The following CNTN5 variants were observed in gnomAD, a reference collection of about 807,000 sequenced individuals.
The protein encoded by CNTN5 is contactin-5.
A neutral mutation model predicts 129.1 loss-of-function variants in CNTN5; 77 were observed. The observed-to-expected ratio is 0.60, with a 90% confidence interval of 0.50 to 0.72. CNTN5 has a LOEUF of 0.72. Ranked by LOEUF, CNTN5 falls within the 30% of genes least tolerant of loss-of-function variation. CNTN5 has a pLI of 0.00. For missense variants in CNTN5, 1,478 were observed against 1,328.8 expected, an observed-to-expected ratio of 1.11 and a Z score of -1.75; for synonymous variants, 509 against 465.6, an observed-to-expected ratio of 1.09 and a Z score of -1.20.
intron 13 of CNTN5, among the ~76,000 whole-genome samples, chr11:100,121,053 T>C (rs548897037): frequency 4.3e-4 from 66 of 151,986 alleles, no homozygotes; most frequent in Non-Finnish European, 8.2e-4. Flanking sequence ...GGCATACAAA[T>C]GTATTGGATC....
At chr11:99,397,985 A>G (rs1504722) in intron 2 of CNTN5, among the ~76,000 whole-genome samples, 53,310 of 151,588 alleles carry the variant, frequency 0.35, 9,873 homozygotes, top group South Asian at 0.46. Context: ...ATCTATATCT[A>G]TATTAAGCTA....
At chr11:99,594,383 CT>C (rs1198050901) in intron 3 of CNTN5, among the ~76,000 whole-genome samples, 1 of 152,092 alleles carries the variant, frequency 6.6e-6, no homozygotes, top group Non-Finnish European at 1.5e-5. Flanking sequence ...GGGGATGTTG[CT>C]GATATCTGGA....
At chr11:100,036,527 G>C (rs1471180076) in intron 9 of CNTN5, among the ~76,000 whole-genome samples, 2 of 146,236 alleles carry the variant, frequency 1.4e-5, no homozygotes, top group Admixed American at 1.4e-4. Context: ...AGCTTGATGG[G>C]GATGGCATTG....
At chr11:99,473,349 A>G (rs1425345404) in intron 2 of CNTN5, among the ~76,000 whole-genome samples, 1 of 152,176 alleles carries the variant, frequency 6.6e-6, no homozygotes, top group Non-Finnish European at 1.5e-5. Flanking sequence ...CAAGTAAAAC[A>G]TATAATAATA....
intron 2 of CNTN5, among the ~76,000 whole-genome samples, chr11:99,383,908 G>A (rs1189817544): frequency 2.0e-5 from 3 of 152,114 alleles, no homozygotes; most frequent in Non-Finnish European, 2.9e-5. Context: ...TGCACTCAGA[G>A]TTTAAAGTCT....
chr11:99,890,656 G>T (rs1389460755), intron 6 of CNTN5, among the ~76,000 whole-genome samples: 1 of 152,030 alleles, frequency 6.6e-6, no homozygotes, highest in East Asian at 1.9e-4. Context: ...AATAATTTTT[G>T]AAGATACTCC....
intron 2 of CNTN5, among the ~76,000 whole-genome samples, chr11:99,384,065 G>C (rs1565538461): frequency 6.6e-6 from 1 of 152,270 alleles, no homozygotes; most frequent in Non-Finnish European, 1.5e-5. Flanking sequence ...TGATTCCCTA[G>C]TCATTCTTCC....
chr11:99,930,957 A>G (rs1233743293), intron 7 of CNTN5, among the ~76,000 whole-genome samples: 1 of 152,162 alleles, frequency 6.6e-6, no homozygotes, highest in African/African-American at 2.4e-5. Flanking sequence ...TATTTTTATT[A>G]TATCATGTCT....
intron 3 of CNTN5, among the ~76,000 whole-genome samples, chr11:99,653,446 C>G (rs1952233562): frequency 1.3e-5 from 2 of 151,964 alleles, no homozygotes; most frequent in African/African-American, 4.8e-5. Context: ...GCTCCCCCGT[C>G]TCAGATTTCA....
chr11:99,706,972 A>C (rs1454897386), intron 3 of CNTN5, among the ~76,000 whole-genome samples: 1 of 151,248 alleles, frequency 6.6e-6, no homozygotes, highest in Non-Finnish European at 1.5e-5. Context: ...ATGGCTAATC[A>C]CATTCCCACC....
chr11:99,830,349 G>A (rs1947100043), intron 4 of CNTN5, among the ~76,000 whole-genome samples: 2 of 152,082 alleles, frequency 1.3e-5, no homozygotes. Flanking sequence ...CTGACAATTG[G>A]ATGATTCCTG....
intron 8 of CNTN5, among the ~76,000 whole-genome samples, chr11:99,985,605 T>C (rs536165488): frequency 1.2e-4 from 19 of 152,286 alleles, no homozygotes; most frequent in African/African-American, 3.8e-4. Context: ...CTTTGGGCCA[T>C]GGGTTTCAGG....
chr11:100,025,503 C>T (rs1305427062), intron 9 of CNTN5, among the ~76,000 whole-genome samples: 2 of 152,272 alleles, frequency 1.3e-5, no homozygotes, highest in African/African-American at 2.4e-5. Context: ...GGTTCACTGT[C>T]CTCTAGACCC....
intron 16 of CNTN5, among the ~76,000 whole-genome samples, chr11:100,237,458 T>C (rs1169767525): frequency 1.3e-5 from 2 of 152,194 alleles, no homozygotes; most frequent in African/African-American, 4.8e-5. Context: ...ACAAAATCCA[T>C]GCAGATTGAA....
intron 3 of CNTN5, among the ~76,000 whole-genome samples, chr11:99,786,625 G>C (rs1203656518): frequency 6.6e-6 from 1 of 152,016 alleles, no homozygotes; most frequent in South Asian, 2.1e-4. Flanking sequence ...CTGCATTAAT[G>C]GAAACAGCAT....
chr11:99,629,869 T>C (rs1951274869), intron 3 of CNTN5, among the ~76,000 whole-genome samples: 1 of 151,696 alleles, frequency 6.6e-6, no homozygotes, highest in South Asian at 2.1e-4. Flanking sequence ...ATATAAAATA[T>C]AAAAATACTT....
intron 7 of CNTN5, among the ~76,000 whole-genome samples, chr11:99,924,127 C>T (rs987254969): frequency 3.3e-5 from 5 of 152,142 alleles, no homozygotes; most frequent in African/African-American, 9.7e-5. Context: ...AATAGCCATT[C>T]TGGCTGGTAT....
intron 13 of CNTN5, among the ~76,000 whole-genome samples, chr11:100,171,811 GAC>G (rs1053276780): frequency 1.9e-4 from 29 of 150,978 alleles, no homozygotes; most frequent in Admixed American, 4.6e-4. Context: ...ATTTAGTTGA[GAC>G]AGGTTTTTAC....
At chr11:99,793,361 A>G (rs779531504) in intron 3 of CNTN5, among the ~76,000 whole-genome samples, 1 of 151,734 alleles carries the variant, frequency 6.6e-6, no homozygotes, top group Non-Finnish European at 1.5e-5. Context: ...GCCCGGCTCT[A>G]TCTTCTTAAT....
Sources: allele counts gnomAD v4.1 joint callset (sites outside exome capture counted in the v4.1 genomes callset), GRCh38; gene constraint gnomAD v4.1.1; transcripts MANE v1.5; gene names NCBI Gene and HGNC (gene_info 2026-07-23, HGNC 2026-07-21).